Variants in ELAVL4 observed in about 807,000 individuals in gnomAD.
ELAVL4 encodes ELAV like RNA binding protein 4.
A neutral mutation model predicts 35.6 loss-of-function variants in ELAVL4; 1 was observed. That is an observed-to-expected ratio of 0.03 (90% confidence interval 0.01 to 0.13). The LOEUF (loss-of-function observed/expected upper bound fraction) is 0.13. Ranked by LOEUF, ELAVL4 falls within the 10% of genes least tolerant of loss-of-function variation. ELAVL4 has a pLI of 1.00. For missense variants in ELAVL4, 267 were observed against 464.9 expected, an observed-to-expected ratio of 0.57 and a Z score of 3.91; for synonymous variants, 156 against 171.0, an observed-to-expected ratio of 0.91 and a Z score of 0.69.
chr1:50,135,684 G>A (rs942449273), intron 1 of ELAVL4, among the ~76,000 whole-genome samples: 2 of 152,114 alleles, frequency 1.3e-5, no homozygotes, highest in Non-Finnish European at 2.9e-5. Context: ...GAGTAAATAG[G>A]TCTTTCAGGT....
rs888157986 is a variant in ELAVL4 at position 50,193,631 on chromosome 1, G to T, written c.355-134G>T. 1.9e-5 allele frequency: 21 copies of T among 1,104,596 alleles called. No individual in the cohort carries two copies. The African/African-American group carries it at 3.3e-4, about 17-fold the overall frequency. The allele number at this position is 1,104,596 out of a possible 1,614,324, so 68.4% of individuals were successfully genotyped here. ...CTATTACAAGGGTAGCTAAAAATCT[G>T]AACTACTGAGTGATTTAAACTGACA... On this transcript the variant is annotated intron_variant, in intron 3 of 6. Transcript: ENST00000371824.
At chr1:50,059,407 A>AT (rs1663841754) in intron 1 of ELAVL4, among the ~76,000 whole-genome samples, 1 of 152,172 alleles carries the variant, frequency 6.6e-6, no homozygotes, top group Non-Finnish European at 1.5e-5. Context: ...TGAAATTTGG[A>AT]TCCCTGATTG....
At chr1:50,048,308 G>A in intron 1 of ELAVL4, 1 of 1,257,882 alleles carries the variant, frequency 7.9e-7, no homozygotes, top group Non-Finnish European at 1.0e-6. Context: ...CGACTCCCAG[G>A]GAGGGGGAGA....
In ELAVL4 at chr1:50,120,458, G is replaced by A. The variant is rs535994586; in HGVS notation, c.9+11260G>A. Among the ~76,000 whole-genome samples the A allele has an allele frequency of 2.5e-4, 38 of 152,120 alleles. 1 individual carries two copies. The highest frequency in any genetic ancestry group is 5.0e-4 in the Non-Finnish European group (34 of 67,948). Reference sequence around the variant, plus strand: ...TAAAGATAAAGCTAGAAAGAGATAGGTAAAAGCTATGATTTAGGAAGGTTC... The same window carrying A: ...TAAAGATAAAGCTAGAAAGAGATAGATAAAAGCTATGATTTAGGAAGGTTC... On this transcript the variant is annotated intron_variant, in intron 1 of 6. Coordinates refer to ENST00000371824, the MANE Select transcript of ELAVL4 (RefSeq NM_001144774.3).
intron 1 of ELAVL4, among the ~76,000 whole-genome samples, chr1:50,112,152 T>C (rs190980932): frequency 1.5e-4 from 23 of 152,228 alleles, no homozygotes; most frequent in Non-Finnish European, 3.1e-4. Context: ...TTATTTTCAC[T>C]CTTGAGGTAA....
chr1:50,201,382 G>T lies in ELAVL4; in HGVS notation c.*204G>T. The T allele has an allele frequency of 4.9e-4, 153 of 310,774 alleles. No individual in the cohort carries two copies. Among genetic ancestry groups the T allele is most frequent in the Non-Finnish European group, 5.8e-4 (109 of 186,938 alleles). The allele number at this position is 310,774 out of a possible 1,614,324, so 19.3% of individuals were successfully genotyped here. On this transcript the variant is annotated 3_prime_UTR_variant, in exon 7 of 7. Transcript: ENST00000371824. The surrounding 1 kb of genome is among the most constrained non-coding windows in gnomAD (Gnocchi z 4.3). ...CCAGGAAAGGATTTTATAATGCTTA[G>T]AAAAAAAGAAAAAAAAAAAACAAAA...
intron 1 of ELAVL4, among the ~76,000 whole-genome samples, chr1:50,063,027 G>T (rs1664078130): frequency 6.6e-6 from 1 of 152,100 alleles, no homozygotes; most frequent in East Asian, 1.9e-4. Context: ...TTTCATTCTG[G>T]TAGGATAATT....
intron 3 of ELAVL4, among the ~76,000 whole-genome samples, chr1:50,177,853 A>G (rs575145509): frequency 2.6e-4 from 40 of 152,360 alleles, no homozygotes; most frequent in African/African-American, 9.1e-4. Flanking sequence ...GCAATCTGAA[A>G]ATAATTAGGT....
In ELAVL4 at chr1:50,201,198, T is replaced by C. The variant is rs1316177586; in HGVS notation, c.*20T>C. ...TCCTGAATTTCCCATTCTTACTTAC[T>C]AAAATATATATAGAAATATATACGA... is the stretch of plus-strand genomic sequence containing the variant. On this transcript the variant is annotated 3_prime_UTR_variant, in exon 7 of 7. Transcript: ENST00000371824. This position sits in a 1 kb window ranked among gnomAD's most constrained non-coding sequence, Gnocchi z 4.3. 4 of 1,533,674 alleles carry C rather than the reference T, an allele frequency of 2.6e-6. No individual in the cohort carries two copies. The highest frequency in any genetic ancestry group is 3.5e-6 in the Non-Finnish European group (4 of 1,144,472).
intron 1 of ELAVL4, among the ~76,000 whole-genome samples, chr1:50,055,000 C>G (rs965803475): frequency 3.9e-5 from 6 of 152,222 alleles, no homozygotes; most frequent in African/African-American, 1.2e-4. Context: ...CAATCTACAG[C>G]TACAGCTTTC....
intron 2 of ELAVL4, among the ~76,000 whole-genome samples, chr1:50,165,437 T>TATAG (rs1553182936): frequency 2.0e-5 from 3 of 150,358 alleles, no homozygotes; most frequent in Non-Finnish European, 3.0e-5. Flanking sequence ...GATATATATA[T>TATAG]ATATAGATAT....
At chr1:50,078,407 T>TA (rs1355044199) in intron 1 of ELAVL4, among the ~76,000 whole-genome samples, 1 of 152,158 alleles carries the variant, frequency 6.6e-6, no homozygotes, top group Non-Finnish European at 1.5e-5. Flanking sequence ...ATTTTTTTTT[T>TA]ACCCTCAGGT....
chr1:50,089,196 C>T (rs139125827), intron 1 of ELAVL4, among the ~76,000 whole-genome samples: 75 of 152,204 alleles, frequency 4.9e-4, no homozygotes, highest in Middle Eastern at 3.4e-3. Context: ...CTCATAAGAA[C>T]TTATCATTAC....
At chr1:50,145,609 T>A (rs550492462) in intron 2 of ELAVL4, among the ~76,000 whole-genome samples, 1 of 152,166 alleles carries the variant, frequency 6.6e-6, no homozygotes, top group Non-Finnish European at 1.5e-5. Context: ...AACAAGTGTT[T>A]TAAAGGGGGC....
intron 2 of ELAVL4, among the ~76,000 whole-genome samples, chr1:50,154,901 A>T (rs1553180190): frequency 6.6e-6 from 1 of 152,052 alleles, no homozygotes; most frequent in Non-Finnish European, 1.5e-5. Flanking sequence ...ATAGCCATCA[A>T]TTTTTTTAAA....
At chr1:50,068,905 T>C (rs1007651998) in intron 1 of ELAVL4, among the ~76,000 whole-genome samples, 4 of 152,222 alleles carry the variant, frequency 2.6e-5, no homozygotes, top group Non-Finnish European at 5.9e-5. Flanking sequence ...AGTGGTTTTA[T>C]TGACCATAGA....
intron 1 of ELAVL4, among the ~76,000 whole-genome samples, chr1:50,119,467 G>C (rs577443391): frequency 6.6e-6 from 1 of 152,022 alleles, no homozygotes; most frequent in Non-Finnish European, 1.5e-5. Context: ...TGCTAGGTAG[G>C]TGTTTGTTTA....
chr1:50,202,750 T>G lies in ELAVL4; in HGVS notation c.*1572T>G, dbSNP rs1029341002. On this transcript the variant is annotated 3_prime_UTR_variant, in exon 7 of 7. Coordinates refer to ENST00000371824, the MANE Select transcript of ELAVL4 (RefSeq NM_001144774.3). Reference sequence around the variant, plus strand: ...ACACTTGGCTAGTTTTGTTTGTATATGTCTTAAAATGTTTTCTTATGATAT... The same window carrying G: ...ACACTTGGCTAGTTTTGTTTGTATAGGTCTTAAAATGTTTTCTTATGATAT... 6.6e-6 allele frequency: 1 copy of G among 152,192 alleles called. No individual in the cohort carries two copies. Among genetic ancestry groups the G allele is most frequent in the African/African-American group, 2.4e-5 (1 of 41,464 alleles). The allele number at this position is 152,192 out of a possible 1,614,324, so 9.4% of individuals were successfully genotyped here.
chr1:50,086,262 G>A (rs771543613), intron 1 of ELAVL4, among the ~76,000 whole-genome samples: 2 of 151,770 alleles, frequency 1.3e-5, no homozygotes, highest in Non-Finnish European at 2.9e-5. Flanking sequence ...TTATTTTATG[G>A]TTTGATAAGC....
Sources: gnomAD v4.1 joint callset for allele counts (sites outside exome capture counted in the v4.1 genomes callset) on GRCh38, gnomAD v4.1.1 for gene constraint, Gnocchi (gnomAD v3.1) non-coding constraint, MANE v1.5 for transcripts, NCBI Gene and HGNC (gene_info 2026-07-23, HGNC 2026-07-21) for gene names.